Variants in CCDC77 observed in about 807,000 individuals in gnomAD.
The protein encoded by CCDC77 is coiled-coil domain containing 77.
CCDC77 carries 56 observed loss-of-function variants against 66.8 expected under a neutral mutation model. That is an observed-to-expected ratio of 0.84 (90% CI 0.68 to 1.05). CCDC77 has a LOEUF of 1.05. Ranked by LOEUF, CCDC77 falls within the 50% of genes least tolerant of loss-of-function variation. The pLI, the probability that CCDC77 is intolerant of heterozygous loss-of-function variation, is 0.00. For missense variants in CCDC77, 570 were observed against 576.8 expected (o/e 0.99, Z 0.12); for synonymous variants, 196 against 195.2 (o/e 1.00, Z -0.03).
intron 5 of CCDC77, 45 bp downstream of exon 5, chr12:418,681 ACATTCATT>A (rs113437345): frequency 1.7e-5 from 26 of 1,544,144 alleles, no homozygotes; most frequent in South Asian, 3.4e-5. Context: ...ACTTTAAATT[ACATTCATT>A]CATTCATTCA....
At position 433,242 on chromosome 12, in the gene CCDC77, C is replaced by T. The variant is rs765256443; in HGVS notation, c.741C>T (p.Ile247=). Reference sequence around the variant, plus strand: ...CTCGAGAACAAATTGAAGGGCTCATCGAGGACAGACGGATTCACCTTGAGG... The same window carrying T: ...CTCGAGAACAAATTGAAGGGCTCATTGAGGACAGACGGATTCACCTTGAGG... ...KLSREQIEGL[I]EDRRIHLEEI... is the part of the protein sequence containing the mutation. The change falls in exon 9 of 13, where the codon ATC becomes ATT. Residue 247 remains isoleucine (I), a synonymous_variant. Coordinates refer to ENST00000239830, the MANE Select transcript of CCDC77 (RefSeq NM_032358.4). 7 of 1,613,722 alleles carry T rather than the reference C, an allele frequency of 4.3e-6. No homozygotes were observed. The highest frequency in any genetic ancestry group is 2.2e-5 in the East Asian group (1 of 44,886).
intron 5 of CCDC77, among the ~76,000 whole-genome samples, chr12:422,110 T>G (rs1591979906): frequency 1.9e-5 from 1 of 51,884 alleles, no homozygotes; most frequent in African/African-American, 8.1e-5. Context: ...GTGCTGGGAG[T>G]GAGAGGGTAA....
chr12:413,688 C>T lies in CCDC77; in HGVS notation c.270+1710C>T, dbSNP rs187240677. Among the ~76,000 whole-genome samples, 299 of 146,238 alleles carry T rather than the reference C, an allele frequency of 2.0e-3. 7 individuals are homozygous for T. Among genetic ancestry groups the T allele is most frequent in the African/African-American group, 6.6e-3 (255 of 38,682 alleles). ...TGTCGCCCAGGCTGGAGTGCAGTGA[C>T]GCAACCTCAGCTCACTGCAAGCTCT... is the stretch of plus-strand genomic sequence containing the variant. On this transcript the variant is annotated intron_variant, in intron 4 of 12. Transcript: ENST00000239830.
intron 1 of CCDC77, among the ~76,000 whole-genome samples, chr12:390,904 T>C (rs117311736): frequency 0.01 from 1,556 of 152,284 alleles, 10 homozygotes; most frequent in Non-Finnish European, 0.017. Context: ...CATCTTCTGG[T>C]AGATGGAGCT....
chr12:431,728 C>T, intron 7 of CCDC77, 138 bp from the exon 8 acceptor site: 1 of 566,936 alleles, frequency 1.8e-6, no homozygotes, highest in East Asian at 3.0e-5. Context: ...CTTCCGAATC[C>T]CTTCATTAGT....
chr12:406,850 G>A (rs910505464), intron 2 of CCDC77, among the ~76,000 whole-genome samples: 13 of 152,248 alleles, frequency 8.5e-5, no homozygotes, highest in African/African-American at 3.1e-4. Context: ...GGGAGGCTGA[G>A]ACAGGAGAAT....
chr12:425,707 C>T (rs560519831), intron 5 of CCDC77, among the ~76,000 whole-genome samples: 3 of 152,228 alleles, frequency 2.0e-5, no homozygotes, highest in Middle Eastern at 3.4e-3. Context: ...TCATGTGCTT[C>T]GTAAGGTTCA....
chr12:392,193 A>G (rs1944765588), intron 1 of CCDC77, among the ~76,000 whole-genome samples: 1 of 152,122 alleles, frequency 6.6e-6, no homozygotes, highest in Non-Finnish European at 1.5e-5. Context: ...TTAGAGTATT[A>G]TTTATCTGAA....
chr12:389,745 C>G (rs555274570), intron 1 of CCDC77, among the ~76,000 whole-genome samples: 1 of 152,198 alleles, frequency 6.6e-6, no homozygotes, highest in South Asian at 2.1e-4. Flanking sequence ...GCCTCACCGC[C>G]CGTGCTTCGT....
At chr12:419,579 G>A (rs1460098937) in intron 5 of CCDC77, among the ~76,000 whole-genome samples, 1 of 91,600 alleles carries the variant, frequency 1.1e-5, no homozygotes, top group East Asian at 3.7e-4. Context: ...GTGCTCTTCT[G>A]TGTGTGTGTG....
rs1233006110 is a variant in CCDC77, at chr12:413,569, C to T, written c.270+1591C>T. On this transcript the variant is annotated intron_variant, in intron 4 of 12. Transcript: ENST00000239830. ...AGCTACTCTTTTTATATAAATGGCT[C>T]TTTCTTTTCCCAGTCACACTTCCAG... 2.0e-5 allele frequency among the ~76,000 whole-genome samples: 3 copies of T among 148,382 alleles called. 1 individual carries two copies. The highest frequency in any genetic ancestry group is 7.8e-5 in the African/African-American group (3 of 38,648).
intron 7 of CCDC77, among the ~76,000 whole-genome samples, chr12:431,390 T>C (rs896536962): frequency 4.6e-5 from 7 of 152,004 alleles, no homozygotes; most frequent in African/African-American, 1.7e-4. Flanking sequence ...GGCTAATTTA[T>C]TGTATTGTAT....
intron 5 of CCDC77, among the ~76,000 whole-genome samples, chr12:423,145 G>A (rs192491402): frequency 0.029 from 2,409 of 83,128 alleles, 49 homozygotes; most frequent in South Asian, 0.1. Context: ...TTTTGAGACA[G>A]GGTCTCACTC....
chr12:418,764 C>G (rs1945335303), intron 5 of CCDC77, 128 bp downstream of exon 5: 4 of 1,007,244 alleles, frequency 4.0e-6, no homozygotes, highest in Middle Eastern at 3.2e-4. Flanking sequence ...CAGTGGCGCT[C>G]TCTTGGCTCA....
At chr12:441,175 A>G (rs568640962) in intron 12 of CCDC77, among the ~76,000 whole-genome samples, 179 bp downstream of exon 12, 4 of 152,264 alleles carry the variant, frequency 2.6e-5, no homozygotes, top group Admixed American at 6.5e-5. Context: ...AAATAAAAAG[A>G]CCCTGAAATC....
chr12:434,392 G>A (rs1421632078), intron 9 of CCDC77, among the ~76,000 whole-genome samples: 3 of 143,068 alleles, frequency 2.1e-5, no homozygotes, highest in South Asian at 4.3e-4. Context: ...TCACTCTGTC[G>A]CCCAGGCTGG....
chr12:419,456 G>C (rs1945354707), intron 5 of CCDC77, among the ~76,000 whole-genome samples: 1 of 147,162 alleles, frequency 6.8e-6, no homozygotes. Context: ...GGAGTGAGAG[G>C]GTAAAATACA....
At chr12:406,944 C>G (rs991585414) in intron 2 of CCDC77, among the ~76,000 whole-genome samples, 8 of 152,326 alleles carry the variant, frequency 5.3e-5, no homozygotes, top group Admixed American at 1.3e-4. Context: ...AAGACTTTGT[C>G]TCACACACAC....
rs371461307 is a variant in CCDC77, at chr12:440,848, G to A, written c.1172G>A (p.Arg391His). ...CTTCCCATTCCCCATATTTAGGATC[G>A]CACTAACAAGATGGGGAAGCGTTTA... Reference protein sequence around the residue: ...EGMRREIFKDRTNKMGKRLQI... With the variant: ...EGMRREIFKDHTNKMGKRLQI... The change falls in exon 12 of 13, where the codon CGC (arginine) becomes CAC (histidine). Residue 391 changes from arginine (R) to histidine (H), a missense_variant. Transcript: ENST00000239830. 7.9e-5 allele frequency: 128 copies of A among 1,613,322 alleles called. No homozygotes were observed. Among genetic ancestry groups the A allele is most frequent in the Middle Eastern group, 1.6e-4 (1 of 6,062 alleles).
Sources: gnomAD v4.1 joint callset for allele counts (sites outside exome capture counted in the v4.1 genomes callset) on GRCh38, gnomAD v4.1.1 for gene constraint, MANE v1.5 for transcripts, NCBI Gene and HGNC (gene_info 2026-07-23, HGNC 2026-07-21) for gene names.